The following NLRP4 variants were observed in gnomAD, a reference collection of about 807,000 sequenced individuals.
NLRP4 encodes NACHT, LRR and PYD domains-containing protein 4.
NLRP4 carries 44 observed loss-of-function variants against 84.7 expected under a neutral mutation model. The ratio of observed to expected loss-of-function variants is 0.52; its 90% CI spans 0.41 to 0.67. The LOEUF is 0.67. Ranked by LOEUF, NLRP4 falls within the 30% of genes least tolerant of loss-of-function variation. NLRP4 has a pLI of 0.00. For missense variants in NLRP4, 1,260 were observed against 1,219.4 expected (o/e 1.03, Z -0.50); for synonymous variants, 544 against 476.4 (o/e 1.14, Z -1.85).
At chr19:55,863,972 C>T (rs561657726) in intron 5 of NLRP4, among the ~76,000 whole-genome samples, 7 of 152,180 alleles carry the variant, frequency 4.6e-5, no homozygotes, top group African/African-American at 9.6e-5. Flanking sequence ...TTGCATCAAC[C>T]GAACACAAAA....
Position 55,860,763 on chromosome 19 carries a change from T to G in NLRP4, c.1857-623T>G, listed in dbSNP as rs1343336289. On this transcript the variant is annotated intron_variant, in intron 3 of 9. Transcript: ENST00000301295. ...GACTTAATGGCTGGGCTGTGCTGCCTCATCTTTTACTGTAAACCAGCCTGA... is the reference window on the plus strand; with the variant it reads ...GACTTAATGGCTGGGCTGTGCTGCCGCATCTTTTACTGTAAACCAGCCTGA... Among the ~76,000 whole-genome samples, 5 of 152,038 alleles carry G rather than the reference T, an allele frequency of 3.3e-5. No homozygotes were observed. The East Asian group carries it at 9.6e-4, about 29-fold the overall frequency.
intron 1 of NLRP4, among the ~76,000 whole-genome samples, chr19:55,839,602 C>G (rs1307422195): frequency 6.6e-6 from 1 of 151,736 alleles, no homozygotes; most frequent in Non-Finnish European, 1.5e-5. Context: ...TGGTAATAGT[C>G]TCAATTTTTG....
rs755911332 is a variant in NLRP4, at chr19:55,877,018, G to A, written c.2548G>A (p.Ala850Thr). ...SLCLVKCFIT[A>T]AGCEDLASAL... ...CAGTTTGGTAAAATGTTTTATCACTGCTGCTGGCTGTGAAGACCTCGCCTC... is the reference window on the plus strand; with the variant it reads ...CAGTTTGGTAAAATGTTTTATCACTACTGCTGGCTGTGAAGACCTCGCCTC... The change falls in exon 8 of 10, where the codon GCT (alanine) becomes ACT (threonine). Residue 850 changes from alanine to threonine, a missense_variant. Physicochemically the swap from Ala to Thr is moderately conservative, Grantham distance 58 (BLOSUM62 0). Transcript: ENST00000301295. 4 of 1,613,896 alleles carry A rather than the reference G, an allele frequency of 2.5e-6. No homozygotes were observed. The highest frequency in any genetic ancestry group is 2.2e-5 in the East Asian group (1 of 44,872).
chr19:55,865,585 T>A (rs1053693169), intron 5 of NLRP4, among the ~76,000 whole-genome samples: 1 of 152,218 alleles, frequency 6.6e-6, no homozygotes, highest in African/African-American at 2.4e-5. Flanking sequence ...CCTACAAAAA[T>A]GTGTAAGTGT....
chr19:55,878,930 C>T lies in NLRP4; in HGVS notation c.2833C>T (p.Leu945=), dbSNP rs1374484314. The change falls in exon 9 of 10, where the codon CTG becomes TTG. Residue 945 remains leucine (L), a synonymous_variant. Transcript: ENST00000301295. ...AGGGGTGGTTGTACTCTGTGAGGCC[C>T]TGAGACACCCAGAGTGTGCCCTGCA... ...HTGVVVLCEA[L]RHPECALQVL... The T allele has an allele frequency of 6.2e-7, 1 of 1,613,774 alleles. No individual in the cohort carries two copies.
chr19:55,838,429 C>A lies in NLRP4; in HGVS notation c.-66+1495C>A, dbSNP rs1983474149. On this transcript the variant is annotated intron_variant, in intron 1 of 9. Transcript: ENST00000301295. ...GCAAACCACAGAAGCCAGTAAGAGGCAAGGAAGGGCTCCCCTGGGTTTCAG... is the reference window on the plus strand; with the variant it reads ...GCAAACCACAGAAGCCAGTAAGAGGAAAGGAAGGGCTCCCCTGGGTTTCAG... Among the ~76,000 whole-genome samples the A allele has an allele frequency of 2.0e-5, 3 of 151,882 alleles. No individual in the cohort carries two copies. In the South Asian group the frequency reaches 6.2e-4, roughly 32 times the overall value.
At chr19:55,856,162 T>G (rs1252380126) in intron 2 of NLRP4, among the ~76,000 whole-genome samples, 1 of 151,956 alleles carries the variant, frequency 6.6e-6, no homozygotes, top group Non-Finnish European at 1.5e-5. Flanking sequence ...CCCAGCTAAT[T>G]TTTGTATTTT....
intron 1 of NLRP4, among the ~76,000 whole-genome samples, chr19:55,847,432 T>G (rs1009514503): frequency 6.6e-6 from 1 of 152,190 alleles, no homozygotes; most frequent in Non-Finnish European, 1.5e-5. Context: ...TGTTCTCTTG[T>G]GTGTAGGATT....
At chr19:55,846,177 C>A (rs1983785359) in intron 1 of NLRP4, among the ~76,000 whole-genome samples, 1 of 152,158 alleles carries the variant, frequency 6.6e-6, no homozygotes. Context: ...AGTCTCTAAT[C>A]CATCTTGAAT....
chr19:55,844,553 G>C (rs1270186392), intron 1 of NLRP4, among the ~76,000 whole-genome samples: 4 of 152,186 alleles, frequency 2.6e-5, no homozygotes, highest in Admixed American at 6.5e-5. Flanking sequence ...TGGGATTACA[G>C]GTGTGAGCTA....
chr19:55,872,100 G>A (rs1025111593), intron 7 of NLRP4, among the ~76,000 whole-genome samples: 2 of 151,866 alleles, frequency 1.3e-5, no homozygotes. Flanking sequence ...CGCCCGCCTC[G>A]GCCTCCCAAA....
chr19:55,878,490 C>CCAAAAAAAG (rs1985455846), intron 8 of NLRP4, among the ~76,000 whole-genome samples: 1 of 4,822 alleles, frequency 2.1e-4, no homozygotes, highest in Non-Finnish European at 5.6e-4. Flanking sequence ...GAGACGGCTT[C>CCAAAAAAAG]ATACCTTTTT....
intron 1 of NLRP4, among the ~76,000 whole-genome samples, chr19:55,842,977 T>C (rs1489663017): frequency 6.6e-6 from 1 of 151,200 alleles, no homozygotes. Context: ...GCCAGGATGG[T>C]CTTGATCTCC....
chr19:55,881,425 A>G (rs1985584969), intron 9 of NLRP4, 45 bp from the exon 10 acceptor site: 7 of 1,021,438 alleles, frequency 6.9e-6, no homozygotes, highest in Non-Finnish European at 1.1e-5. Context: ...GAAAAGGGAA[A>G]AAGTATGTGA....
intron 1 of NLRP4, among the ~76,000 whole-genome samples, chr19:55,845,647 T>G (rs1231869087): frequency 2.6e-5 from 4 of 151,892 alleles, no homozygotes; most frequent in Non-Finnish European, 5.9e-5. Flanking sequence ...CCACCAACAG[T>G]GTAAAAGTGT....
intron 1 of NLRP4, among the ~76,000 whole-genome samples, chr19:55,849,916 C>CGCGGTGTAATTTCCGAGACT (rs1983968744): frequency 1.2e-5 from 1 of 83,222 alleles, no homozygotes; most frequent in African/African-American, 7.3e-5. Context: ...TTTCCGTAGC[C>CGCGGTGTAATTTCCGAGACT]GCGGTGTAAT....
At chr19:55,845,691 G>T (rs1157062553) in intron 1 of NLRP4, among the ~76,000 whole-genome samples, 1 of 151,278 alleles carries the variant, frequency 6.6e-6, no homozygotes, top group Non-Finnish European at 1.5e-5. Context: ...AGCACCTGTT[G>T]TTTCCTGACT....
Position 55,870,929 on chromosome 19 carries a change from G to A in NLRP4, c.2457G>A (p.Leu819=), listed in dbSNP as rs569966787. The stretch of plus-strand genomic sequence containing the variant: ...ATCTAGACCTCAGTGCCAATGTCCT[G>A]AAGGACGAAGGACTGAAAACTCTCT... ...VRYLDLSANV[L]KDEGLKTLCE... The change falls in exon 7 of 10, where the codon CTG becomes CTA. Residue 819 remains leucine, a synonymous_variant. Coordinates refer to ENST00000301295, the MANE Select transcript of NLRP4 (RefSeq NM_134444.5). 14 of 1,613,950 alleles carry A rather than the reference G, an allele frequency of 8.7e-6. No individual in the cohort carries two copies. Among genetic ancestry groups the A allele is most frequent in the Non-Finnish European group, 1.2e-5 (14 of 1,179,916 alleles).
chr19:55,864,704 A>C (rs536572684), intron 5 of NLRP4, among the ~76,000 whole-genome samples: 1 of 148,730 alleles, frequency 6.7e-6, no homozygotes, highest in Admixed American at 6.8e-5. Context: ...ATTTCTCCAC[A>C]TCTTTGCTTA....
Sources: allele counts gnomAD v4.1 joint callset (sites outside exome capture counted in the v4.1 genomes callset), GRCh38; gene constraint gnomAD v4.1.1; transcripts MANE v1.5; gene names NCBI Gene and HGNC (gene_info 2026-07-23, HGNC 2026-07-21).